Variants in ADSS2 observed in about 807,000 individuals in gnomAD.
The protein encoded by ADSS2 is adenylosuccinate synthetase isozyme 2.
In ADSS2, 30 loss-of-function variants were observed where a neutral mutation model predicts 60.0. The ratio of observed to expected loss-of-function variants is 0.50; its 90% confidence interval spans 0.37 to 0.68. ADSS2 has a LOEUF of 0.68. ADSS2 is among the 30% of genes least tolerant of loss of function. The pLI is 0.00. For missense variants in ADSS2, 373 were observed against 554.8 expected, an observed-to-expected ratio of 0.67 and a Z score of 3.29; for synonymous variants, 187 against 193.1, an observed-to-expected ratio of 0.97 and a Z score of 0.26.
rs1465055057 is a variant in ADSS2, at chr1:244,408,799, T to G, written c.*787A>C. 1 of 152,264 alleles carries G rather than the reference T, an allele frequency of 6.6e-6. No individual in the cohort carries two copies. The highest frequency in any genetic ancestry group is 2.4e-5 in the African/African-American group (1 of 41,444). 9.4% of individuals were successfully genotyped at this position (152,264 alleles called of 1,614,324 possible). Reference sequence around the variant, plus strand: ...TAATGGTAAGATAAAAAAGAAAAGATACACATTTCAGAGGTAATGTTTGAA... The same window carrying G: ...TAATGGTAAGATAAAAAAGAAAAGAGACACATTTCAGAGGTAATGTTTGAA... On this transcript the variant is annotated 3_prime_UTR_variant, in exon 13 of 13. Transcript: ENST00000366535.
intron 3 of ADSS2, among the ~76,000 whole-genome samples, chr1:244,434,357 A>G (rs924305936): frequency 2.6e-5 from 4 of 151,990 alleles, no homozygotes; most frequent in African/African-American, 9.7e-5. Flanking sequence ...TGTCTCCAAA[A>G]AAAAAAAAAG....
chr1:244,439,027 C>T (rs558070732), intron 1 of ADSS2, among the ~76,000 whole-genome samples: 1 of 152,164 alleles, frequency 6.6e-6, no homozygotes, highest in Admixed American at 6.5e-5. Context: ...ATCTCCCCAC[C>T]CCATACCCCA....
intron 4 of ADSS2, among the ~76,000 whole-genome samples, chr1:244,431,125 A>G (rs749710711): frequency 2.0e-5 from 3 of 152,220 alleles, no homozygotes; most frequent in Admixed American, 6.5e-5. Flanking sequence ...TCTAAAAAAA[A>G]AAGAATATTA....
chr1:244,409,660 A>C, intron 12 of ADSS2, 22 bp from the exon 13 acceptor site: 1 of 1,574,810 alleles, frequency 6.3e-7, no homozygotes, highest in African/African-American at 1.3e-5. Flanking sequence ...CAAAGAGAAA[A>C]GGAATTGAAT....
intron 11 of ADSS2, among the ~76,000 whole-genome samples, chr1:244,415,323 C>CT (rs1252616706): frequency 6.6e-6 from 1 of 152,148 alleles, no homozygotes; most frequent in African/African-American, 2.4e-5. Context: ...GCAGTAGATA[C>CT]TTTTTTATAA....
chr1:244,413,359 T>A (rs754512222), intron 11 of ADSS2, among the ~76,000 whole-genome samples: 1 of 152,170 alleles, frequency 6.6e-6, no homozygotes, highest in African/African-American at 2.4e-5. Flanking sequence ...CTAGTCATCA[T>A]AAAATACACA....
chr1:244,443,198 A>G (rs1253143071), intron 1 of ADSS2, among the ~76,000 whole-genome samples: 2 of 152,174 alleles, frequency 1.3e-5, no homozygotes, highest in African/African-American at 2.4e-5. Flanking sequence ...GAAACATACA[A>G]TTTCCTTCTC....
chr1:244,413,913 C>T (rs1467746310), intron 11 of ADSS2, among the ~76,000 whole-genome samples: 2 of 152,272 alleles, frequency 1.3e-5, no homozygotes, highest in East Asian at 1.9e-4. Context: ...ATAAAAGCCA[C>T]GCCCTTGAGT....
Position 244,424,340 on chromosome 1 carries a change from G to A in ADSS2, c.454C>T (p.Gln152Ter), listed in dbSNP as rs1237900926. Residue 152 changes from glutamine (Q) to a stop codon, truncating the protein, a stop_gained, in exon 5 of 13, where the codon CAA becomes TAA. Transcript: ENST00000366535. LOFTEE classifies it high-confidence loss of function. ...ACATACTTTTTTCCTGCTTGTTCTT[G>A]TCTCTGTTGTTCCTGGATACCATCA... ...AADGIQEQQR[Q>*]EQAGKNLGTT... 2 of 1,612,984 alleles carry A rather than the reference G, an allele frequency of 1.2e-6. No homozygotes were observed. The highest frequency in any genetic ancestry group is 1.7e-6 in the Non-Finnish European group (2 of 1,179,466).
At position 244,411,369 on chromosome 1, in the gene ADSS2, T is replaced by G; in HGVS notation, c.1236A>C (p.Ile412=). 6.2e-7 allele frequency: 1 copy of G among 1,613,964 alleles called. No homozygotes were observed. The highest frequency in any genetic ancestry group is 8.5e-7 in the Non-Finnish European group (1 of 1,179,878). Residue 412 remains isoleucine, a synonymous_variant, in exon 12 of 13, where the codon ATA becomes ATC. Coordinates refer to ENST00000366535, the MANE Select transcript of ADSS2 (RefSeq NM_001126.5). ...GTTCTTTAAACGCCCTTGCATTTGA[T>G]ATGTCTGTGTTCCATCCTGGGAGAG... ...YKTLPGWNTD[I]SNARAFKELP...
chr1:244,429,928 G>A (rs187048642), intron 4 of ADSS2, among the ~76,000 whole-genome samples: 173 of 151,786 alleles, frequency 1.1e-3, no homozygotes, highest in African/African-American at 4.0e-3. Flanking sequence ...TTTCTTATAA[G>A]ACTTTTTAAG....
chr1:244,444,037 T>C (rs926884698), intron 1 of ADSS2, among the ~76,000 whole-genome samples: 1 of 152,158 alleles, frequency 6.6e-6, no homozygotes, highest in Admixed American at 6.5e-5. Flanking sequence ...GCAGGTTTCT[T>C]TGAGGAAAAG....
intron 7 of ADSS2, among the ~76,000 whole-genome samples, chr1:244,421,960 C>A (rs928224687): frequency 1.8e-4 from 27 of 152,070 alleles, no homozygotes; most frequent in African/African-American, 6.5e-4. Flanking sequence ...AGTGACAAAG[C>A]GAGACCCTGT....
In ADSS2 at chr1:244,451,112, G is replaced by C. The variant is rs1333936730; in HGVS notation, c.183+523C>G. Among the ~76,000 whole-genome samples, 6 of 152,166 alleles carry C rather than the reference G, an allele frequency of 3.9e-5. No individual in the cohort carries two copies. The highest frequency in any genetic ancestry group is 8.8e-5 in the Non-Finnish European group (6 of 68,028). Reference sequence around the variant, plus strand: ...GAGGAAGCAAAGCACTGCATGCCACGGTCCTGCAGATGGGGGATCGGTGAG... The same window carrying C: ...GAGGAAGCAAAGCACTGCATGCCACCGTCCTGCAGATGGGGGATCGGTGAG... On this transcript the variant is annotated intron_variant, in intron 1 of 12. Coordinates refer to ENST00000366535, the MANE Select transcript of ADSS2 (RefSeq NM_001126.5). This position sits in a 1 kb window ranked among gnomAD's most constrained non-coding sequence, Gnocchi z 6.6.
chr1:244,412,325 G>A (rs1664434455), intron 11 of ADSS2, among the ~76,000 whole-genome samples: 1 of 152,170 alleles, frequency 6.6e-6, no homozygotes, highest in South Asian at 2.1e-4. Context: ...ACCCGCCTAT[G>A]TGCAAATCTC....
At chr1:244,441,532 T>TG (rs969316835) in intron 1 of ADSS2, among the ~76,000 whole-genome samples, 41 of 152,276 alleles carry the variant, frequency 2.7e-4, no homozygotes, top group Middle Eastern at 6.8e-3. Flanking sequence ...TTTTTAGAGA[T>TG]GGGGTCTCAC....
In ADSS2 at chr1:244,435,324, C is replaced by G. The variant is rs550680709; in HGVS notation, c.355+1501G>C. On this transcript the variant is annotated intron_variant, in intron 3 of 12. Transcript: ENST00000366535. ...GTTGAGTCTCCTTTATTCCAAATAC[C>G]AGAATATTTCAGATTTCAGATTTTT... 2.0e-5 allele frequency among the ~76,000 whole-genome samples: 3 copies of G among 151,698 alleles called. No individual in the cohort carries two copies. In the South Asian group the frequency reaches 6.3e-4, roughly 32 times the overall value.
chr1:244,410,006 A>C (rs892544009), intron 12 of ADSS2, among the ~76,000 whole-genome samples: 1 of 152,208 alleles, frequency 6.6e-6, no homozygotes, highest in Non-Finnish European at 1.5e-5. Flanking sequence ...TATGATTTTA[A>C]CTTGCACAGC....
chr1:244,420,928 C>T (rs936201454), intron 7 of ADSS2, among the ~76,000 whole-genome samples: 3 of 151,970 alleles, frequency 2.0e-5, no homozygotes, highest in African/African-American at 4.8e-5. Context: ...CTCAAGTGAT[C>T]CTCCCACCTC....
Sources: allele counts gnomAD v4.1 joint callset (sites outside exome capture counted in the v4.1 genomes callset), GRCh38; gene constraint gnomAD v4.1.1; non-coding constraint Gnocchi (gnomAD v3.1); transcripts MANE v1.5; gene names NCBI Gene and HGNC (gene_info 2026-07-23, HGNC 2026-07-21).